RAB12: variants seen among roughly 807,000 people sequenced by gnomAD.
The protein encoded by RAB12 is ras-related protein Rab-12.
In RAB12, 11 loss-of-function variants were observed where a neutral mutation model predicts 28.4. That is an observed-to-expected ratio of 0.39 (90% confidence interval 0.24 to 0.64). The LOEUF is 0.64. Among genes scored for constraint, RAB12 ranks in the 30% least tolerant of loss-of-function variants. RAB12 has a pLI of 0.50. For synonymous variants in RAB12, 138 were observed against 145.3 expected, an observed-to-expected ratio of 0.95 and a Z score of 0.36; for missense variants, 276 against 351.1, an observed-to-expected ratio of 0.79 and a Z score of 1.71.
At chr18:8,633,154 T>A (rs2096016959) in intron 2 of RAB12, 35 bp from the exon 3 acceptor site, 1 of 1,613,046 alleles carries the variant, frequency 6.2e-7, no homozygotes, top group Non-Finnish European at 8.5e-7. Context: ...ACTTTGGGCA[T>A]TATTTGGGAA....
intron 4 of RAB12, 53 bp downstream of exon 4, chr18:8,635,675 T>A (rs2096018500): frequency 1.8e-6 from 2 of 1,092,156 alleles, no homozygotes; most frequent in East Asian, 5.3e-5. Context: ...GCGCTTGAGG[T>A]ACTGTTTCTT....
At chr18:8,620,165 C>CA (rs10680284) in intron 1 of RAB12, among the ~76,000 whole-genome samples, 29,497 of 75,602 alleles carry the variant, frequency 0.39, 6,003 homozygotes, top group East Asian at 0.63. Flanking sequence ...TTTTTTGCTT[C>CA]AAAAAAAAAA....
At chr18:8,623,299 A>G (rs987542385) in intron 1 of RAB12, among the ~76,000 whole-genome samples, 5 of 152,252 alleles carry the variant, frequency 3.3e-5, no homozygotes, top group Admixed American at 6.5e-5. Flanking sequence ...ATAAATGTCC[A>G]TGAAATCTTC....
chr18:8,617,127 A>T (rs1272562946), intron 1 of RAB12, among the ~76,000 whole-genome samples: 1 of 152,170 alleles, frequency 6.6e-6, no homozygotes, highest in Non-Finnish European at 1.5e-5. Flanking sequence ...TGGGATTTAC[A>T]CTTTCTTCAC....
intron 1 of RAB12, among the ~76,000 whole-genome samples, chr18:8,611,716 C>T (rs1166302250): frequency 1.3e-5 from 2 of 152,058 alleles, no homozygotes; most frequent in Non-Finnish European, 2.9e-5. Context: ...GGAAGAGCTG[C>T]GGAGGATGCT....
At chr18:8,613,552 T>G (rs1296981762) in intron 1 of RAB12, among the ~76,000 whole-genome samples, 1 of 152,186 alleles carries the variant, frequency 6.6e-6, no homozygotes, top group Non-Finnish European at 1.5e-5. Flanking sequence ...TAAATGTGCT[T>G]TTTTAAAAGT....
Position 8,617,286 on chromosome 18 carries a change from C to T in RAB12, c.514+7333C>T, listed in dbSNP as rs189993920. On this transcript the variant is annotated intron_variant, in intron 1 of 5. Transcript: ENST00000649141. ...AAAATCCTTACCCTTTAATGATACACACTGATATATACAGATGATATAAAT... is the reference window on the plus strand; with the variant it reads ...AAAATCCTTACCCTTTAATGATACATACTGATATATACAGATGATATAAAT... Among the ~76,000 whole-genome samples, 40 of 152,288 alleles carry T rather than the reference C, an allele frequency of 2.6e-4. No homozygotes were observed. The East Asian group carries it at 5.2e-3, about 20-fold the overall frequency.
chr18:8,626,273 A>G (rs977149321), intron 2 of RAB12, among the ~76,000 whole-genome samples: 1 of 152,232 alleles, frequency 6.6e-6, no homozygotes, highest in Admixed American at 6.5e-5. Context: ...GTTTCTAATT[A>G]TAAGCTCTAT....
At chr18:8,619,791 G>A (rs1325089560) in intron 1 of RAB12, among the ~76,000 whole-genome samples, 1 of 152,062 alleles carries the variant, frequency 6.6e-6, no homozygotes, top group Non-Finnish European at 1.5e-5. Flanking sequence ...GGATATGTTG[G>A]GTATTAGACA....
chr18:8,629,880 C>G (rs1336287701), intron 2 of RAB12, among the ~76,000 whole-genome samples: 1 of 152,158 alleles, frequency 6.6e-6, no homozygotes, highest in East Asian at 1.9e-4. Flanking sequence ...CTGTTGCCCC[C>G]CAGCTTACTC....
intron 3 of RAB12, chr18:8,635,176 A>G (rs1237616835): frequency 6.2e-6 from 1 of 160,734 alleles, no homozygotes; most frequent in Non-Finnish European, 1.4e-5. Context: ...TTTTAAAATA[A>G]CTTGATTCTT....
Position 8,639,134 on chromosome 18 carries a change from C to G in RAB12, c.*872C>G, listed in dbSNP as rs1189609953. ...TACGGTGAAGCTTATTCTGATTAAG[C>G]CTAGACTGTGTTCTTTTTTTTTTTT... is the stretch of plus-strand genomic sequence containing the variant. On this transcript the variant is annotated 3_prime_UTR_variant, in exon 6 of 6. Transcript: ENST00000649141. 1.3e-5 allele frequency: 1 copy of G among 76,164 alleles called. No homozygotes were observed. The highest frequency in any genetic ancestry group is 4.9e-5 in the African/African-American group (1 of 20,400). The allele number at this position is 76,164 out of a possible 1,614,324, so 4.7% of individuals were successfully genotyped here.
At chr18:8,630,763 A>G (rs568756263) in intron 2 of RAB12, among the ~76,000 whole-genome samples, 6 of 152,386 alleles carry the variant, frequency 3.9e-5, no homozygotes, top group African/African-American at 1.4e-4. Context: ...TCAAAGGAGC[A>G]GTTGGGTAAT....
chr18:8,629,666 G>A (rs749296151), intron 2 of RAB12, among the ~76,000 whole-genome samples: 49 of 152,174 alleles, frequency 3.2e-4, no homozygotes, highest in Admixed American at 8.5e-4. Flanking sequence ...GTGAGCTTTC[G>A]TGCTTGTTTG....
At chr18:8,631,159 G>A (rs2096015768) in intron 2 of RAB12, among the ~76,000 whole-genome samples, 1 of 152,172 alleles carries the variant, frequency 6.6e-6, no homozygotes, top group South Asian at 2.1e-4. Flanking sequence ...CAAATTGCTG[G>A]GATTACAGGC....
intron 1 of RAB12, among the ~76,000 whole-genome samples, chr18:8,613,859 T>C (rs2096005245): frequency 6.6e-6 from 1 of 151,996 alleles, no homozygotes; most frequent in Non-Finnish European, 1.5e-5. Context: ...GTAGTAGTAG[T>C]AGTAGTAGTG....
intron 2 of RAB12, among the ~76,000 whole-genome samples, chr18:8,627,684 G>A (rs932896255): frequency 6.6e-6 from 1 of 152,180 alleles, no homozygotes; most frequent in Non-Finnish European, 1.5e-5. Flanking sequence ...TGTTGAAATG[G>A]ACTTGAAGCC....
chr18:8,617,257 TA>T (rs2096007201), intron 1 of RAB12, among the ~76,000 whole-genome samples: 1 of 152,148 alleles, frequency 6.6e-6, no homozygotes, highest in South Asian at 2.1e-4. Flanking sequence ...AAACACTCCA[TA>T]AAAAAATCCT....
Position 8,638,413 on chromosome 18 carries a change from C to A in RAB12, c.*151C>A, listed in dbSNP as rs2096020215. On this transcript the variant is annotated 3_prime_UTR_variant, in exon 6 of 6. Transcript: ENST00000649141. ...CTTGTAAATATGCATATATGCAATC[C>A]TGGGTAAGTTTTGGTTATAAGTTAC... 3 of 605,610 alleles carry A rather than the reference C, an allele frequency of 5.0e-6. No individual in the cohort carries two copies. The highest frequency in any genetic ancestry group is 1.9e-5 in the African/African-American group (1 of 53,712). The allele number at this position is 605,610 out of a possible 1,614,324, so 37.5% of individuals were successfully genotyped here. A position where few individuals can be genotyped will look rare whatever the true frequency, so the allele number is the denominator to read the frequency against.
Sources: allele counts gnomAD v4.1 joint callset (sites outside exome capture counted in the v4.1 genomes callset), GRCh38; gene constraint gnomAD v4.1.1; transcripts MANE v1.5; gene names NCBI Gene and HGNC (gene_info 2026-07-23, HGNC 2026-07-21).